The following KRT79 variants were observed in gnomAD, a reference collection of about 807,000 sequenced individuals.
The protein encoded by KRT79 is keratin 79.
A neutral mutation model predicts 49.0 loss-of-function variants in KRT79; 51 were observed. The ratio of observed to expected loss-of-function variants is 1.04; its 90% confidence interval spans 0.83 to 1.31. KRT79 has a LOEUF of 1.31. Among genes scored for constraint, KRT79 ranks in the 40% most tolerant of loss-of-function variants. The probability of loss-of-function intolerance (pLI) is 0.00; values close to 1 mark genes in which losing one functional copy is unlikely to be tolerated. For missense variants in KRT79, 728 were observed against 688.0 expected, an observed-to-expected ratio of 1.06 and a Z score of -0.65; for synonymous variants, 312 against 286.6, an observed-to-expected ratio of 1.09 and a Z score of -0.90.
chr12:52,831,288 C>G, intron 2 of KRT79, 118 bp downstream of exon 2: 1 of 897,658 alleles, frequency 1.1e-6, no homozygotes, highest in Admixed American at 1.9e-5. Flanking sequence ...AGGGAGCCAG[C>G]TCTGTCTGTG....
At chr12:52,822,927 C>T (rs1357718697) in intron 7 of KRT79, 89 bp downstream of exon 7, 2 of 1,332,502 alleles carry the variant, frequency 1.5e-6, no homozygotes, top group African/African-American at 1.5e-5. Context: ...GTTCCTCTCT[C>T]CCTCTCTTGA....
intron 7 of KRT79, among the ~76,000 whole-genome samples, chr12:52,822,696 C>T (rs960633107): frequency 1.3e-5 from 2 of 152,180 alleles, no homozygotes; most frequent in African/African-American, 4.8e-5. Context: ...TTTCTGCCCA[C>T]TTTCTATTTC....
chr12:52,824,341 G>A lies in KRT79; in HGVS notation c.877C>T (p.His293Tyr). The A allele has an allele frequency of 6.2e-7, 1 of 1,614,156 alleles. No homozygotes were observed. ...AGCACCACATTGGTGTTAGACACGT[G>A]GGTCTGCACTTGGCTCAGCTCCTGA... ...YEMELSQVQT[H>Y]VSNTNVVLSM... Residue 293 changes from histidine to tyrosine, a missense_variant, in exon 5 of 9, where the codon CAC (histidine) becomes TAC (tyrosine). By Grantham distance (83) the His-to-Tyr change is moderately conservative. Coordinates refer to ENST00000330553, the MANE Select transcript of KRT79 (RefSeq NM_175834.3).
At chr12:52,833,496 C>T (rs1026495509) in intron 1 of KRT79, among the ~76,000 whole-genome samples, 48 of 152,282 alleles carry the variant, frequency 3.2e-4, no homozygotes, top group African/African-American at 1.1e-3. Context: ...TGCAATCAAT[C>T]GTATTAATCA....
chr12:52,823,461 G>T (rs1448378266), intron 6 of KRT79, among the ~76,000 whole-genome samples: 1 of 152,216 alleles, frequency 6.6e-6, no homozygotes, highest in Non-Finnish European at 1.5e-5. Flanking sequence ...TCCTGCTGCA[G>T]ATCAGCCCAA....
At position 52,830,023 on chromosome 12, in the gene KRT79, C is replaced by A. The variant is rs763858805; in HGVS notation, c.855G>T (p.Met285Ile). 1 of 1,614,082 alleles carries A rather than the reference C, an allele frequency of 6.2e-7. No individual in the cohort carries two copies. The highest frequency in any genetic ancestry group is 8.5e-7 in the Non-Finnish European group (1 of 1,179,912). The change falls in exon 4 of 9, where the codon ATG (methionine) becomes ATT (isoleucine). Residue 285 changes from methionine to isoleucine, a missense_variant and splice_region_variant. By Grantham distance (10) the Met-to-Ile change is conservative (BLOSUM62 1). Transcript: ENST00000330553. ...TCTCCCTGCCCATTGGCCACCTCAC[C>A]ATTTCATAGAGTTGCTGCAGGAAGT... ...EIDFLQQLYE[M>I]ELSQVQTHVS... is the part of the protein sequence containing the mutation.
intron 8 of KRT79, 75 bp downstream of exon 8, chr12:52,822,270 T>C (rs1940102488): frequency 2.7e-6 from 4 of 1,480,384 alleles, no homozygotes; most frequent in South Asian, 2.4e-5. Context: ...TTAGGACAGG[T>C]ACAGGTTGCA....
rs746569773 is a variant in KRT79 at position 52,824,218 on chromosome 12, C to T, written c.1000G>A (p.Glu334Lys). 68 of 1,614,236 alleles carry T rather than the reference C, an allele frequency of 4.2e-5. No individual in the cohort carries two copies. The highest frequency in any genetic ancestry group is 2.9e-4 in the South Asian group (26 of 91,086). Residue 334 changes from glutamate to lysine, a missense_variant, in exon 5 of 9, where the codon GAG (glutamate) becomes AAG (lysine). Coordinates refer to ENST00000330553, the MANE Select transcript of KRT79 (RefSeq NM_175834.3). The part of the protein sequence containing the change: ...LIAQRSRAEA[E>K]AWYQTKYEEL... Reference sequence around the variant, plus strand: ...CTCACCTTGGTCTGGTACCAGGCCTCGGCCTCAGCCCGGCTCCTCTGGGCA... The same window carrying T: ...CTCACCTTGGTCTGGTACCAGGCCTTGGCCTCAGCCCGGCTCCTCTGGGCA...
intron 4 of KRT79, among the ~76,000 whole-genome samples, chr12:52,827,973 G>T (rs926022167): frequency 6.6e-6 from 1 of 152,150 alleles, no homozygotes; most frequent in Admixed American, 6.5e-5. Flanking sequence ...ATCCTTGAGA[G>T]ATATGGAGAG....
chr12:52,822,133 G>T (rs754032377), intron 8 of KRT79, 56 bp from the exon 9 acceptor site: 1 of 1,564,616 alleles, frequency 6.4e-7, no homozygotes, highest in East Asian at 2.2e-5. Context: ...AGGGCTGGGG[G>T]AGACCCAGAA....
intron 4 of KRT79, among the ~76,000 whole-genome samples, chr12:52,828,371 GA>G (rs1940204772): frequency 6.6e-6 from 1 of 152,182 alleles, no homozygotes; most frequent in African/African-American, 2.4e-5. Flanking sequence ...CACCACTGAA[GA>G]CCCACAGGAC....
In KRT79 at chr12:52,823,187, A is replaced by G; in HGVS notation, c.1196T>C (p.Leu399Pro). The G allele has an allele frequency of 6.2e-7, 1 of 1,614,176 alleles. No homozygotes were observed. ...CTTCTTCTGAGCATCCTTGAGTGCC[A>G]GCTCCCCACGCTGCTCCGCTTCCGC... ...AIAEAEQRGELALKDAQKKLG... is the reference protein window; with the variant it reads ...AIAEAEQRGEPALKDAQKKLG... The change falls in exon 7 of 9, where the codon CTG becomes CCG. Residue 399 changes from leucine (L) to proline (P), a missense_variant. Transcript: ENST00000330553.
intron 4 of KRT79, among the ~76,000 whole-genome samples, chr12:52,829,060 G>C (rs1565691684): frequency 6.6e-6 from 1 of 152,216 alleles, no homozygotes; most frequent in Non-Finnish European, 1.5e-5. Flanking sequence ...GCCACAGGAA[G>C]TATTTGAGTA....
chr12:52,821,587 G>C lies in KRT79; in HGVS notation c.*285C>G. On this transcript the variant is annotated 3_prime_UTR_variant, in exon 9 of 9. Coordinates refer to ENST00000330553, the MANE Select transcript of KRT79 (RefSeq NM_175834.3). The stretch of plus-strand genomic sequence containing the variant: ...CAATTTCTCTCTCTCCTAATGGCTT[G>C]AGAAATTCAGCCTCCTCTCGGTGGT... 2.2e-6 allele frequency: 1 copy of C among 461,422 alleles called. No homozygotes were observed. Among genetic ancestry groups the C allele is most frequent in the Non-Finnish European group, 4.0e-6 (1 of 252,034 alleles). 28.6% of individuals were successfully genotyped at this position (461,422 alleles called of 1,614,324 possible). A position where few individuals can be genotyped will look rare whatever the true frequency, so the allele number is the denominator to read the frequency against.
rs78509151 is a variant in KRT79 at position 52,833,862 on chromosome 12, G to A, written c.399C>T (p.Pro133=). 1.5e-4 allele frequency: 245 copies of A among 1,613,942 alleles called. No homozygotes were observed. In the African/African-American group the frequency reaches 2.9e-3, roughly 19 times the overall value. The change falls in exon 1 of 9, where the codon CCC becomes CCT. Residue 133 remains proline, a synonymous_variant. Transcript: ENST00000330553. ...LLTPLHVEID[P]EIQRVRTQER... Reference sequence around the variant, plus strand: ...CCTGAGTGCGCACTCGCTGGATCTCGGGGTCAATCTCCACATGGAGGGGGG... The same window carrying A: ...CCTGAGTGCGCACTCGCTGGATCTCAGGGTCAATCTCCACATGGAGGGGGG...
chr12:52,831,583 C>T lies in KRT79; in HGVS notation c.521G>A (p.Trp174Ter), dbSNP rs140064424. 6.2e-6 allele frequency: 10 copies of T among 1,614,098 alleles called. No individual in the cohort carries two copies. Among genetic ancestry groups the T allele is most frequent in the Non-Finnish European group, 8.5e-6 (10 of 1,180,052 alleles). ...CTGGCCCTGCTCCTGCAGCAGTGCCCACTTGGTCTCCAGCACCTTATTCTG... is the reference window on the plus strand; with the variant it reads ...CTGGCCCTGCTCCTGCAGCAGTGCCTACTTGGTCTCCAGCACCTTATTCTG... ...EQQNKVLETK[W>*]ALLQEQGQNL... The change falls in exon 2 of 9, where the codon TGG becomes TAG. Residue 174 changes from tryptophan to a stop codon, truncating the protein, a stop_gained. Transcript: ENST00000330553. LOFTEE classifies it high-confidence loss of function.
In KRT79 at chr12:52,827,953, C is replaced by T. The variant is rs1023115511; in HGVS notation, c.855+2070G>A. ...CTCCAGGGACTGCCAAGGGAAGGAA[C>T]GCCCTGGTCATCCTTGAGAGATATG... On this transcript the variant is annotated intron_variant, in intron 4 of 8. Transcript: ENST00000330553. Among the ~76,000 whole-genome samples the T allele has an allele frequency of 9.2e-5, 14 of 152,238 alleles. No homozygotes were observed. The South Asian group carries it at 1.0e-3, about 11-fold the overall frequency.
At chr12:52,822,191 G>A in intron 8 of KRT79, 114 bp from the exon 9 acceptor site, 1 of 1,311,658 alleles carries the variant, frequency 7.6e-7, no homozygotes, top group South Asian at 1.2e-5. Flanking sequence ...TATGGGAAAT[G>A]GATAGAGAAG....
Position 52,823,200 on chromosome 12 carries a change from G to C in KRT79, c.1183C>G (p.Gln395Glu). The C allele has an allele frequency of 1.9e-6, 3 of 1,614,194 alleles. No homozygotes were observed. The highest frequency in any genetic ancestry group is 2.5e-6 in the Non-Finnish European group (3 of 1,180,020). ...QLQTAIAEAEQRGELALKDAQ... is the reference protein window; with the variant it reads ...QLQTAIAEAEERGELALKDAQ... ...TCCTTGAGTGCCAGCTCCCCACGCT[G>C]CTCCGCTTCCGCAATGGCCGTCTGC... Residue 395 changes from glutamine to glutamate, a missense_variant, in exon 7 of 9, where the codon CAG becomes GAG. Physicochemically the swap from Gln to Glu is conservative, Grantham distance 29. Transcript: ENST00000330553.
Sources: gnomAD v4.1 joint callset for allele counts (sites outside exome capture counted in the v4.1 genomes callset) on GRCh38, gnomAD v4.1.1 for gene constraint, MANE v1.5 for transcripts, NCBI Gene and HGNC (gene_info 2026-07-23, HGNC 2026-07-21) for gene names.